The following WBP1L variants were observed in gnomAD, a reference collection of about 807,000 sequenced individuals.
WBP1L encodes WW domain binding protein 1-like.
In WBP1L, 17 loss-of-function variants were observed where a neutral mutation model predicts 33.7. The ratio of observed to expected loss-of-function variants is 0.50; its 90% CI spans 0.34 to 0.76. The LOEUF (loss-of-function observed/expected upper bound fraction) is 0.76, where lower values mean the gene tolerates loss of function less well. Among genes scored for constraint, WBP1L ranks in the 30% least tolerant of loss-of-function variants. The probability of loss-of-function intolerance (pLI) is 0.01; values close to 1 mark genes in which losing one functional copy is unlikely to be tolerated. For synonymous variants in WBP1L, 173 were observed against 190.8 expected, an observed-to-expected ratio of 0.91 and a Z score of 0.77; for missense variants, 389 against 469.4, an observed-to-expected ratio of 0.83 and a Z score of 1.58.
chr10:102,758,576 G>A (rs1446135133), intron 1 of WBP1L, among the ~76,000 whole-genome samples: 1 of 152,172 alleles, frequency 6.6e-6, no homozygotes, highest in Non-Finnish European at 1.5e-5. Context: ...ATTAATGTAG[G>A]TCCAGCCCTA....
At chr10:102,807,459 C>T (rs931869911) in intron 2 of WBP1L, among the ~76,000 whole-genome samples, 1 of 152,056 alleles carries the variant, frequency 6.6e-6, no homozygotes, top group African/African-American at 2.4e-5. Flanking sequence ...CTCACTGCAA[C>T]CTCCCCTCCT....
At chr10:102,804,369 C>CA (rs1411088405) in intron 2 of WBP1L, among the ~76,000 whole-genome samples, 1 of 119,208 alleles carries the variant, frequency 8.4e-6, no homozygotes, top group Non-Finnish European at 1.6e-5. Context: ...GCCTGGGTGA[C>CA]AGAGCAAGAC....
intron 1 of WBP1L, among the ~76,000 whole-genome samples, chr10:102,787,046 C>A (rs1174816325): frequency 6.6e-6 from 1 of 152,158 alleles, no homozygotes; most frequent in Non-Finnish European, 1.5e-5. Context: ...GGGAACCTAC[C>A]CATGTAGCCC....
At chr10:102,766,143 T>TA (rs1315754363) in intron 1 of WBP1L, among the ~76,000 whole-genome samples, 4 of 151,672 alleles carry the variant, frequency 2.6e-5, no homozygotes, top group Non-Finnish European at 5.9e-5. Context: ...CTATAAAGAT[T>TA]AAAAAAAATT....
At chr10:102,776,317 G>A (rs1390072397) in intron 1 of WBP1L, 1 of 1,613,300 alleles carries the variant, frequency 6.2e-7, no homozygotes, top group East Asian at 2.2e-5. Context: ...CCCACCAGGG[G>A]CAATGCTCAT....
At chr10:102,752,313 T>C (rs564152347) in intron 1 of WBP1L, among the ~76,000 whole-genome samples, 2 of 152,110 alleles carry the variant, frequency 1.3e-5, no homozygotes, top group African/African-American at 2.4e-5. Context: ...GAGCTTGGGG[T>C]CAGCTTTCTT....
intron 2 of WBP1L, among the ~76,000 whole-genome samples, chr10:102,801,167 G>A (rs896536876): frequency 3.9e-5 from 6 of 152,142 alleles, no homozygotes; most frequent in African/African-American, 1.2e-4. Flanking sequence ...ACCAGTTATT[G>A]GGCCTGCATG....
chr10:102,801,070 C>T (rs147324552), intron 2 of WBP1L, among the ~76,000 whole-genome samples: 29 of 152,182 alleles, frequency 1.9e-4, no homozygotes, highest in Middle Eastern at 6.8e-3. Flanking sequence ...CACACACACA[C>T]GGTTTACACA....
chr10:102,744,126 A>G lies in WBP1L; in HGVS notation c.73A>G (p.Arg25Gly). The G allele has an allele frequency of 6.4e-7, 1 of 1,551,950 alleles. No homozygotes were observed. Among genetic ancestry groups the G allele is most frequent in the Non-Finnish European group, 8.7e-7 (1 of 1,147,482 alleles). ...GGCGCTGCCCAGCCCCTTGTCAGCC[A>G]GGGCTGAACCCCCGCAGGTAAGGGG... The part of the protein sequence containing the change: ...LQALPSPLSA[R>G]AEPPQDKEAC... Residue 25 changes from arginine (R) to glycine (G), a missense_variant, in exon 1 of 4, where the codon AGG (arginine) becomes GGG (glycine). Arg to Gly is a moderately radical substitution (Grantham distance 125). Transcript: ENST00000448841.
intron 2 of WBP1L, among the ~76,000 whole-genome samples, chr10:102,805,929 G>A (rs1187612771): frequency 2.0e-5 from 3 of 151,460 alleles, no homozygotes; most frequent in African/African-American, 7.3e-5. Context: ...GGCCTGGCAC[G>A]GTGGCTCACA....
At chr10:102,781,553 C>T (rs982569804) in intron 1 of WBP1L, among the ~76,000 whole-genome samples, 11 of 152,080 alleles carry the variant, frequency 7.2e-5, no homozygotes, top group South Asian at 2.1e-4. Context: ...CCACTGCAGG[C>T]CTCCTCCTCC....
intron 1 of WBP1L, among the ~76,000 whole-genome samples, chr10:102,746,354 A>G (rs11191384): frequency 0.21 from 31,866 of 151,988 alleles, 3,466 homozygotes; most frequent in Middle Eastern, 0.31. Flanking sequence ...CACGGTTACA[A>G]TTCCTGCAGA....
intron 1 of WBP1L, chr10:102,776,431 C>T: frequency 6.2e-7 from 1 of 1,614,076 alleles, no homozygotes; most frequent in Non-Finnish European, 8.5e-7. Flanking sequence ...ATTGTTTCTG[C>T]ACGGATCGGG....
At chr10:102,810,491 CT>C (rs1843818522) in intron 3 of WBP1L, among the ~76,000 whole-genome samples, 2 of 81,598 alleles carry the variant, frequency 2.5e-5, no homozygotes, top group Non-Finnish European at 2.3e-5. Flanking sequence ...CCTTCCTTCC[CT>C]CCTTCCTTCC....
intron 1 of WBP1L, among the ~76,000 whole-genome samples, chr10:102,749,539 C>G (rs1842904352): frequency 6.6e-6 from 1 of 151,810 alleles, no homozygotes; most frequent in Admixed American, 6.6e-5. Flanking sequence ...TCTAGAACTC[C>G]TTGGGCTCAA....
intron 1 of WBP1L, among the ~76,000 whole-genome samples, chr10:102,761,677 C>T (rs946522928): frequency 6.6e-6 from 1 of 151,948 alleles, no homozygotes; most frequent in Non-Finnish European, 1.5e-5. Context: ...AGGATGGTCT[C>T]AATTTCCTGA....
At chr10:102,785,055 G>T (rs1204684968) in intron 1 of WBP1L, among the ~76,000 whole-genome samples, 13 of 150,914 alleles carry the variant, frequency 8.6e-5, no homozygotes, top group Non-Finnish European at 1.9e-4. Context: ...TTTGTATTTT[G>T]TAGAGACAGG....
intron 1 of WBP1L, among the ~76,000 whole-genome samples, chr10:102,770,692 G>C (rs916092148): frequency 2.2e-4 from 34 of 152,050 alleles, no homozygotes; most frequent in African/African-American, 8.0e-4. Context: ...TTCCAAAGTG[G>C]GTCAGAAGGA....
intron 1 of WBP1L, among the ~76,000 whole-genome samples, chr10:102,765,976 G>A (rs566660920): frequency 3.3e-5 from 5 of 152,246 alleles, no homozygotes; most frequent in Admixed American, 2.6e-4. Flanking sequence ...CTCACCCAAA[G>A]TTTAAATAAC....
Sources: gnomAD v4.1 joint callset for allele counts (sites outside exome capture counted in the v4.1 genomes callset) on GRCh38, gnomAD v4.1.1 for gene constraint, MANE v1.5 for transcripts, NCBI Gene and HGNC (gene_info 2026-07-23, HGNC 2026-07-21) for gene names.